STARD13: variants seen among roughly 807,000 people sequenced by gnomAD.
STARD13 encodes StAR related lipid transfer domain containing 13.
A neutral mutation model predicts 106.4 loss-of-function variants in STARD13; 62 were observed. The observed-to-expected ratio is 0.58, with a 90% confidence interval of 0.48 to 0.72. The LOEUF (loss-of-function observed/expected upper bound fraction) is 0.72, where lower values mean the gene tolerates loss of function less well. Among genes scored for constraint, STARD13 ranks in the 30% least tolerant of loss-of-function variants. The probability of loss-of-function intolerance (pLI) is 0.00; values close to 1 mark genes in which losing one functional copy is unlikely to be tolerated. For synonymous variants in STARD13, 565 were observed against 553.0 expected, an observed-to-expected ratio of 1.02 and a Z score of -0.31; for missense variants, 1,387 against 1,424.0, an observed-to-expected ratio of 0.97 and a Z score of 0.42.
chr13:33,392,229 G>A, the STARD13 span, among the ~76,000 whole-genome samples: 7 of 152,250 alleles, frequency 4.6e-5, no homozygotes, highest in Admixed American at 3.9e-4. Context: ...GCCCATGTGC[G>A]TTCTTTGCTA....
chr13:33,134,786 T>C lies in STARD13; in HGVS notation c.388-4497A>G, dbSNP rs144918035. ...AGTGAAGGATGACCTGTTAATAAGA[T>C]AAAATTTCATAAAAGTAAAATATAA... is the stretch of plus-strand genomic sequence containing the variant. On this transcript the variant is annotated intron_variant, in intron 4 of 13. Transcript: ENST00000336934. Among the ~76,000 whole-genome samples, 171 of 152,324 alleles carry C rather than the reference T, an allele frequency of 1.1e-3. 1 individual carries two copies. Among genetic ancestry groups the C allele is most frequent in the African/African-American group, 3.8e-3 (156 of 41,586 alleles).
chr13:33,666,653 C>A, the STARD13 span, among the ~76,000 whole-genome samples: 1 of 151,932 alleles, frequency 6.6e-6, no homozygotes, highest in African/African-American at 2.4e-5. Flanking sequence ...TGCAGTGGCG[C>A]GATCTCGACT....
At chr13:33,366,514 C>T in the STARD13 span, among the ~76,000 whole-genome samples, 5 of 152,144 alleles carry the variant, frequency 3.3e-5, no homozygotes, top group African/African-American at 7.2e-5. This position sits in a 1 kb window ranked among gnomAD's most constrained non-coding sequence, Gnocchi z 4.2. Context: ...AAAACTTAAT[C>T]GGGTACCTGC....
chr13:33,482,830 A>G, the STARD13 span, among the ~76,000 whole-genome samples: 1 of 152,210 alleles, frequency 6.6e-6, no homozygotes, highest in Non-Finnish European at 1.5e-5. Context: ...TCTAGCCATA[A>G]TCTAACAAAG....
chr13:33,578,531 T>C, the STARD13 span, among the ~76,000 whole-genome samples: 1 of 152,050 alleles, frequency 6.6e-6, no homozygotes, highest in African/African-American at 2.4e-5. Context: ...ATCTAAGACG[T>C]GAAACCATAA....
the STARD13 span, among the ~76,000 whole-genome samples, chr13:33,619,207 T>C: frequency 6.6e-6 from 1 of 152,080 alleles, no homozygotes; most frequent in African/African-American, 2.4e-5. Context: ...AAGACAAAAC[T>C]GTACTCAAAC....
At chr13:33,490,527 A>G in the STARD13 span, among the ~76,000 whole-genome samples, 2 of 152,114 alleles carry the variant, frequency 1.3e-5, no homozygotes, top group South Asian at 4.1e-4. Context: ...GGATGCTGAG[A>G]GGAGTTTGGC....
intron 1 of STARD13, among the ~76,000 whole-genome samples, chr13:33,304,094 T>C (rs912758444): frequency 1.3e-4 from 20 of 152,260 alleles, no homozygotes; most frequent in African/African-American, 4.6e-4. Context: ...GGAAGAAAAC[T>C]GTGTGGACTT....
At chr13:33,200,499 C>T (rs1425344006) in intron 1 of STARD13, among the ~76,000 whole-genome samples, 2 of 152,210 alleles carry the variant, frequency 1.3e-5, no homozygotes, top group Non-Finnish European at 2.9e-5. Context: ...TCTCAGGACT[C>T]CACTTTCCCC....
At chr13:33,399,639 G>T in the STARD13 span, among the ~76,000 whole-genome samples, 19 of 147,110 alleles carry the variant, frequency 1.3e-4, no homozygotes, top group Non-Finnish European at 2.2e-4. Flanking sequence ...AGGTGGAGGT[G>T]GCAGTGAGCC....
intron 1 of STARD13, among the ~76,000 whole-genome samples, chr13:33,217,699 C>T (rs2138162250): frequency 6.6e-6 from 1 of 152,218 alleles, no homozygotes; most frequent in African/African-American, 2.4e-5. Flanking sequence ...GAGTGATGCT[C>T]CCTCTGGGAA....
chr13:33,449,604 G>T, the STARD13 span, among the ~76,000 whole-genome samples: 8 of 152,038 alleles, frequency 5.3e-5, no homozygotes, highest in African/African-American at 1.7e-4. Context: ...GTGGTTTCAT[G>T]AAAATTGTAG....
chr13:33,226,435 CTTTTTTT>C (rs71196514), intron 1 of STARD13, among the ~76,000 whole-genome samples: 1 of 130,250 alleles, frequency 7.7e-6, no homozygotes, highest in Non-Finnish European at 1.6e-5. Flanking sequence ...AAATTTAGTT[CTTTTTTT>C]TTTTTTTTTT....
At chr13:33,169,589 C>T (rs955500469) in intron 1 of STARD13, among the ~76,000 whole-genome samples, 3 of 152,232 alleles carry the variant, frequency 2.0e-5, no homozygotes, top group South Asian at 2.1e-4. Flanking sequence ...GAGAGAAGCA[C>T]AGAATATTAT....
chr13:33,281,737 CTG>C (rs1891796252), intron 1 of STARD13, among the ~76,000 whole-genome samples: 1 of 152,136 alleles, frequency 6.6e-6, no homozygotes, highest in African/African-American at 2.4e-5. Flanking sequence ...AAGTGAATCA[CTG>C]TATGATTTCA....
the STARD13 span, among the ~76,000 whole-genome samples, chr13:33,429,810 G>T: frequency 6.6e-6 from 1 of 151,704 alleles, no homozygotes; most frequent in Non-Finnish European, 1.5e-5. Context: ...GAGGATTAAT[G>T]GATACAAAAA....
rs200233729 is a variant in STARD13, at chr13:33,129,557, C to T, written c.1120G>A (p.Ala374Thr). The T allele has an allele frequency of 6.2e-7, 1 of 1,614,154 alleles. No individual in the cohort carries two copies. The highest frequency in any genetic ancestry group is 1.3e-5 in the African/African-American group (1 of 75,050). The change falls in exon 5 of 14, where the codon GCA becomes ACA. Residue 374 changes from alanine (A) to threonine (T), a missense_variant. Coordinates refer to ENST00000336934, the MANE Select transcript of STARD13 (RefSeq NM_178006.4). ...LEDLDVLAGT[A>T]LPDAGDQSRM... The stretch of plus-strand genomic sequence containing the variant: ...CTTTGGTCCCCTGCATCCGGCAGTG[C>T]TGTCCCCGCCAGCACATCTAGGTCC...
chr13:33,528,366 C>T, the STARD13 span, among the ~76,000 whole-genome samples: 1 of 149,676 alleles, frequency 6.7e-6, no homozygotes. Context: ...AACTCCTGGG[C>T]TCAAGCCATC....
Position 33,130,258 on chromosome 13 carries a change from A to C in STARD13, c.419T>G (p.Ile140Ser). The change falls in exon 5 of 14, where the codon ATC becomes AGC. Residue 140 changes from isoleucine (I) to serine (S), a missense_variant. Coordinates refer to ENST00000336934, the MANE Select transcript of STARD13 (RefSeq NM_178006.4). This position sits in a 1 kb window ranked among gnomAD's most constrained non-coding sequence, Gnocchi z 4.1. ...TCTTTGGAAAGTCCATTTGTTGCTG[A>C]TACAAAGATCTTCCTCATCGGAGTC... ...GDDSDEEDLC[I>S]SNKWTFQRTS... 6.2e-7 allele frequency: 1 copy of C among 1,604,616 alleles called. No individual in the cohort carries two copies. Among genetic ancestry groups the C allele is most frequent in the Non-Finnish European group, 8.5e-7 (1 of 1,179,886 alleles).
Sources: allele counts gnomAD v4.1 joint callset (sites outside exome capture counted in the v4.1 genomes callset), GRCh38; gene constraint gnomAD v4.1.1; non-coding constraint Gnocchi (gnomAD v3.1); transcripts MANE v1.5; gene names NCBI Gene and HGNC (gene_info 2026-07-23, HGNC 2026-07-21).